The following SH2D4A variants were observed in gnomAD, a reference collection of about 807,000 sequenced individuals.
SH2D4A encodes SH2 domain containing 4A.
In SH2D4A, 70 loss-of-function variants were observed where a neutral mutation model predicts 64.7. That is an observed-to-expected ratio of 1.08 (90% CI 0.89 to 1.32). The LOEUF (loss-of-function observed/expected upper bound fraction) is 1.32, where lower values mean the gene tolerates loss of function less well. Ranked by LOEUF, SH2D4A falls within the 40% of genes most tolerant of loss-of-function variation. The pLI, the probability that SH2D4A is intolerant of heterozygous loss-of-function variation, is 0.00. For synonymous variants in SH2D4A, 268 were observed against 200.7 expected, an observed-to-expected ratio of 1.34 and a Z score of -2.83; for missense variants, 706 against 540.1, an observed-to-expected ratio of 1.31 and a Z score of -3.04.
intron 4 of SH2D4A, among the ~76,000 whole-genome samples, chr8:19,352,500 TA>T: frequency 6.6e-6 from 1 of 152,246 alleles, no homozygotes. Context: ...TATGTTTAAA[TA>T]GAGCAGATAT....
chr8:19,322,090 C>T (rs778169055), intron 2 of SH2D4A, among the ~76,000 whole-genome samples: 2 of 152,116 alleles, frequency 1.3e-5, no homozygotes, highest in Non-Finnish European at 2.9e-5. Context: ...ATATATTTTG[C>T]ATTAAATTAG....
intron 8 of SH2D4A, among the ~76,000 whole-genome samples, chr8:19,377,389 A>G (rs1020917875): frequency 1.1e-4 from 16 of 152,212 alleles, no homozygotes; most frequent in Non-Finnish European, 5.9e-5. Flanking sequence ...TCAGAAAAGA[A>G]AATCTGCCAT....
intron 4 of SH2D4A, among the ~76,000 whole-genome samples, chr8:19,341,379 C>T (rs980961021): frequency 6.6e-6 from 1 of 152,198 alleles, no homozygotes; most frequent in Admixed American, 6.5e-5. Context: ...AAAAAATCTT[C>T]AAGCAGTTTT....
intron 7 of SH2D4A, among the ~76,000 whole-genome samples, chr8:19,372,449 C>T (rs1469880782): frequency 6.6e-6 from 1 of 152,128 alleles, no homozygotes; most frequent in East Asian, 1.9e-4. Flanking sequence ...TGCATCCCTG[C>T]AGGGAATGGA....
chr8:19,380,058 C>CA (rs1269982589), intron 8 of SH2D4A, among the ~76,000 whole-genome samples: 1 of 152,040 alleles, frequency 6.6e-6, no homozygotes, highest in Non-Finnish European at 1.5e-5. Flanking sequence ...CTCTCTCTTT[C>CA]ATAGCAACCA....
At chr8:19,331,518 G>T (rs756282122) in intron 2 of SH2D4A, among the ~76,000 whole-genome samples, 2 of 152,138 alleles carry the variant, frequency 1.3e-5, no homozygotes, top group Non-Finnish European at 2.9e-5. Context: ...GACCGATGTG[G>T]CCGCATTTCA....
chr8:19,360,216 A>G (rs898267898), intron 5 of SH2D4A, among the ~76,000 whole-genome samples: 1 of 152,082 alleles, frequency 6.6e-6, no homozygotes, highest in African/African-American at 2.4e-5. Context: ...TTAAAAACCT[A>G]ATTCTCCTTT....
At chr8:19,389,784 C>A (rs549807108) in intron 8 of SH2D4A, among the ~76,000 whole-genome samples, 1 of 152,262 alleles carries the variant, frequency 6.6e-6, no homozygotes, top group East Asian at 1.9e-4. Flanking sequence ...CACGTGCTTG[C>A]AGTCCCAGGT....
chr8:19,394,882 C>G lies in SH2D4A; in HGVS notation c.*240C>G, dbSNP rs1006047159. On this transcript the variant is annotated 3_prime_UTR_variant, in exon 10 of 10. Transcript: ENST00000265807. ...GAAGAGTCTCAATTTCAGCAAGTAC[C>G]TGTCATGAAGGGTATGACCTTAATG... 12 of 362,176 alleles carry G rather than the reference C, an allele frequency of 3.3e-5. No homozygotes were observed. In the East Asian group the frequency reaches 5.3e-4, roughly 16 times the overall value. 22.4% of individuals were successfully genotyped at this position (362,176 alleles called of 1,614,324 possible). A position where few individuals can be genotyped will look rare whatever the true frequency, so the allele number is the denominator to read the frequency against.
chr8:19,318,641 G>A (rs999848572), intron 1 of SH2D4A, among the ~76,000 whole-genome samples: 1 of 152,148 alleles, frequency 6.6e-6, no homozygotes, highest in Non-Finnish European at 1.5e-5. Flanking sequence ...TATTAAACTA[G>A]GTTATCTGGA....
At position 19,334,250 on chromosome 8, in the gene SH2D4A, T is replaced by G. The variant is rs755920896; in HGVS notation, c.342-436T>G. 6.4e-4 allele frequency among the ~76,000 whole-genome samples: 97 copies of G among 152,312 alleles called. 1 individual carries two copies. The highest frequency in any genetic ancestry group is 1.0e-4 in the Non-Finnish European group (7 of 68,022). ...CTCTGTGGCACAGTGGATGGTGCAT[T>G]GGACTTTCAAGGGCTGGGATGCTGC... On this transcript the variant is annotated intron_variant, in intron 3 of 9. Transcript: ENST00000265807.
chr8:19,336,249 A>T (rs2117217071), intron 4 of SH2D4A, among the ~76,000 whole-genome samples: 1 of 152,318 alleles, frequency 6.6e-6, no homozygotes, highest in East Asian at 1.9e-4. Context: ...TTAAATATTA[A>T]CTACTAACTC....
chr8:19,367,081 AG>A (rs2053010013), intron 7 of SH2D4A, among the ~76,000 whole-genome samples: 1 of 150,898 alleles, frequency 6.6e-6, no homozygotes, highest in Non-Finnish European at 1.5e-5. Context: ...TGCAAATGAC[AG>A]GATATTATAC....
intron 5 of SH2D4A, among the ~76,000 whole-genome samples, chr8:19,359,233 TTTC>T (rs1271629464): frequency 6.6e-6 from 1 of 152,196 alleles, no homozygotes; most frequent in Non-Finnish European, 1.5e-5. Context: ...CTCGTTAATT[TTTC>T]TTCTTTTCCA....
chr8:19,365,686 T>G (rs1585187336), intron 7 of SH2D4A, among the ~76,000 whole-genome samples: 1 of 152,164 alleles, frequency 6.6e-6, no homozygotes, highest in Non-Finnish European at 1.5e-5. Flanking sequence ...AGTTAGCTCA[T>G]TTTTTCCAAC....
intron 8 of SH2D4A, among the ~76,000 whole-genome samples, chr8:19,387,028 TTTG>T (rs1168205381): frequency 5.2e-5 from 7 of 134,112 alleles, no homozygotes; most frequent in African/African-American, 2.0e-4. Context: ...GCTAATAGTT[TTTG>T]TTGTTCTTTG....
intron 2 of SH2D4A, among the ~76,000 whole-genome samples, chr8:19,328,195 C>A (rs982302085): frequency 1.3e-5 from 2 of 152,174 alleles, no homozygotes; most frequent in Admixed American, 6.5e-5. Context: ...CTCATCTGTA[C>A]CAGTGGCTTC....
intron 2 of SH2D4A, among the ~76,000 whole-genome samples, chr8:19,321,945 C>A (rs1310896430): frequency 6.6e-6 from 1 of 152,162 alleles, no homozygotes; most frequent in African/African-American, 2.4e-5. Flanking sequence ...GGTTTTGAAT[C>A]TACCTCTCAG....
intron 4 of SH2D4A, among the ~76,000 whole-genome samples, chr8:19,343,096 A>G (rs541967682): frequency 6.6e-6 from 1 of 152,240 alleles, no homozygotes; most frequent in East Asian, 1.9e-4. Context: ...CAAATCTCAT[A>G]AACCTCTGCA....
Sources: gnomAD v4.1 joint callset for allele counts (sites outside exome capture counted in the v4.1 genomes callset) on GRCh38, gnomAD v4.1.1 for gene constraint, MANE v1.5 for transcripts, NCBI Gene and HGNC (gene_info 2026-07-23, HGNC 2026-07-21) for gene names.